The following PYROXD2 variants were observed in gnomAD, a reference collection of about 807,000 sequenced individuals.
PYROXD2 encodes the protein pyridine nucleotide-disulphide oxidoreductase domain 2, also known as pyridine nucleotide-disulfide oxidoreductase domain-containing protein 2.
PYROXD2 carries 69 observed loss-of-function variants against 71.1 expected under a neutral mutation model. That is an observed-to-expected ratio of 0.97 (90% CI 0.80 to 1.19). The LOEUF (loss-of-function observed/expected upper bound fraction) is 1.19. Among genes scored for constraint, PYROXD2 ranks in the 50% most tolerant of loss-of-function variants. The pLI, the probability that PYROXD2 is intolerant of heterozygous loss-of-function variation, is 0.00. For synonymous variants in PYROXD2, 287 were observed against 302.7 expected (o/e 0.95, Z 0.54); for missense variants, 745 against 748.9 (o/e 0.99, Z 0.06).
chr10:98,384,067 G>A (rs1184045244), intron 15 of PYROXD2, among the ~76,000 whole-genome samples, 199 bp from the exon 16 acceptor site: 1 of 152,132 alleles, frequency 6.6e-6, no homozygotes, highest in Non-Finnish European at 1.5e-5. Context: ...CAAAGGTCTG[G>A]GGAGGGGCCA....
At position 98,407,566 on chromosome 10, in the gene PYROXD2, G is replaced by A. The variant is rs79218397; in HGVS notation, c.315+16C>T. ...CCTCCTCCCTCCGTGCAATCGGGCC[G>A]GCGGGGGGGCCCTACCTTCAGCTCC... On this transcript the variant is annotated intron_variant, in intron 4 of 15. Transcript: ENST00000370575. 3.0e-3 allele frequency: 4,893 copies of A among 1,613,132 alleles called. 126 individuals carry two copies. The African/African-American group carries it at 0.055, about 18-fold the overall frequency.
At chr10:98,408,527 T>G (rs1455564590) in intron 2 of PYROXD2, among the ~76,000 whole-genome samples, 5 of 152,090 alleles carry the variant, frequency 3.3e-5, no homozygotes, top group African/African-American at 1.2e-4. Flanking sequence ...TTTACCCACT[T>G]CATAAGGCTG....
At chr10:98,402,644 T>G (rs1031816071) in intron 4 of PYROXD2, among the ~76,000 whole-genome samples, 2 of 152,238 alleles carry the variant, frequency 1.3e-5, no homozygotes, top group African/African-American at 4.8e-5. Flanking sequence ...GTCGAGAGGC[T>G]TCCTTCTCCA....
At chr10:98,391,578 C>T (rs1361118187) in intron 10 of PYROXD2, among the ~76,000 whole-genome samples, 1 of 152,068 alleles carries the variant, frequency 6.6e-6, no homozygotes, top group Non-Finnish European at 1.5e-5. Flanking sequence ...CAAAAACTGC[C>T]CCCAAAGCTC....
intron 13 of PYROXD2, chr10:98,388,069 C>T (rs907798892): frequency 1.1e-5 from 4 of 376,248 alleles, no homozygotes; most frequent in African/African-American, 2.1e-5. Context: ...TCCTTTGGTT[C>T]GTGCAGTCAG....
At chr10:98,393,732 A>G (rs1217594726) in intron 8 of PYROXD2, among the ~76,000 whole-genome samples, 1 of 152,058 alleles carries the variant, frequency 6.6e-6, no homozygotes, top group Non-Finnish European at 1.5e-5. Context: ...CTTAAAGCCC[A>G]GCTCTGCTCC....
intron 12 of PYROXD2, among the ~76,000 whole-genome samples, chr10:98,388,796 C>T (rs1178736807): frequency 6.6e-6 from 1 of 151,966 alleles, no homozygotes; most frequent in Non-Finnish European, 1.5e-5. Context: ...GCAAATGTCT[C>T]GAAGGTCCAC....
At chr10:98,409,400 C>T (rs1843713753) in intron 2 of PYROXD2, among the ~76,000 whole-genome samples, 1 of 152,212 alleles carries the variant, frequency 6.6e-6, no homozygotes, top group African/African-American at 2.4e-5. Context: ...CGTAGGCCTT[C>T]CCTCAAATCA....
chr10:98,390,576 A>G lies in PYROXD2; in HGVS notation c.1292+22T>C, dbSNP rs533876140. 37 of 1,546,052 alleles carry G rather than the reference A, an allele frequency of 2.4e-5. No individual in the cohort carries two copies. In the South Asian group the frequency reaches 4.7e-4, roughly 19 times the overall value. On this transcript the variant is annotated intron_variant, in intron 12 of 15. Transcript: ENST00000370575. ...GGCCCATGTGGAAGAACATCAGGGA[A>G]CATAAAGTCCAGGGCCCCTACCTGT...
intron 13 of PYROXD2, among the ~76,000 whole-genome samples, chr10:98,387,624 G>GTTTTT (rs550769911): frequency 1.8e-5 from 2 of 113,010 alleles, no homozygotes; most frequent in Non-Finnish European, 1.8e-5. Flanking sequence ...TTCTCAAGCT[G>GTTTTT]TTTTTTTTTT....
At chr10:98,400,752 A>G (rs1843369084) in intron 4 of PYROXD2, among the ~76,000 whole-genome samples, 1 of 152,250 alleles carries the variant, frequency 6.6e-6, no homozygotes, top group Non-Finnish European at 1.5e-5. Context: ...ACAGTCTTGC[A>G]TCACTTAACG....
chr10:98,410,603 T>A, intron 2 of PYROXD2: 7 of 326,344 alleles, frequency 2.1e-5, no homozygotes, highest in Middle Eastern at 8.3e-4. Context: ...CCCAATCCCC[T>A]GGTTCCCACC....
chr10:98,408,186 G>A (rs541901498), intron 2 of PYROXD2, among the ~76,000 whole-genome samples, 189 bp from the exon 3 acceptor site: 72 of 152,132 alleles, frequency 4.7e-4, no homozygotes, highest in African/African-American at 1.7e-3. Context: ...TTCCACCCTC[G>A]CCTTTTCTAG....
At chr10:98,393,163 A>C in intron 8 of PYROXD2, 80 bp from the exon 9 acceptor site, 2 of 1,134,058 alleles carry the variant, frequency 1.8e-6, no homozygotes, top group Admixed American at 2.7e-5. Context: ...ATTCCTTTCC[A>C]TCTTGATCTT....
At chr10:98,400,000 C>T in intron 5 of PYROXD2, 102 bp downstream of exon 5, 1 of 1,414,154 alleles carries the variant, frequency 7.1e-7, no homozygotes, top group Non-Finnish European at 9.4e-7. Flanking sequence ...TGGCCTGGCG[C>T]AGTGTCCATG....
At position 98,390,622 on chromosome 10, in the gene PYROXD2, G is replaced by T. The variant is rs1202662984; in HGVS notation, c.1268C>A (p.Ala423Asp). ...TLLLHQAFED[A>D]MDGLPSHRPV... ...CCTGTGGGAAGGCAGGCCATCCATG[G>T]CATCTTCAAAGGCCTGATGAAGGAG... Residue 423 changes from alanine (A) to aspartate (D), a missense_variant, in exon 12 of 16, where the codon GCC becomes GAC. Ala to Asp is a moderately radical substitution (Grantham distance 126). Coordinates refer to ENST00000370575, the MANE Select transcript of PYROXD2 (RefSeq NM_032709.3). 2 of 1,602,664 alleles carry T rather than the reference G, an allele frequency of 1.2e-6. No homozygotes were observed. The highest frequency in any genetic ancestry group is 1.7e-6 in the Non-Finnish European group (2 of 1,174,014).
At chr10:98,400,722 C>T (rs1843367677) in intron 4 of PYROXD2, among the ~76,000 whole-genome samples, 1 of 152,164 alleles carries the variant, frequency 6.6e-6, no homozygotes, top group Non-Finnish European at 1.5e-5. Context: ...CAATGGTTAC[C>T]TCACAATAAC....
chr10:98,395,475 C>T (rs756401666), intron 6 of PYROXD2, 23 bp from the exon 7 acceptor site: 32 of 1,611,788 alleles, frequency 2.0e-5, no homozygotes, highest in Middle Eastern at 1.7e-4. Context: ...ATCCACAAAA[C>T]AGAAGTTGAA....
In PYROXD2 at chr10:98,407,611, G is replaced by T. The variant is rs1296173874; in HGVS notation, c.286C>A (p.Pro96Thr). The T allele has an allele frequency of 1.1e-5, 18 of 1,613,792 alleles. No individual in the cohort carries two copies. The highest frequency in any genetic ancestry group is 1.5e-5 in the Non-Finnish European group (18 of 1,179,984). Residue 96 changes from proline (P) to threonine (T), a missense_variant, in exon 4 of 16, where the codon CCG becomes ACG. Pro to Thr is a conservative substitution (Grantham distance 38, BLOSUM62 -1). Coordinates refer to ENST00000370575, the MANE Select transcript of PYROXD2 (RefSeq NM_032709.3). The stretch of plus-strand genomic sequence containing the variant: ...AGCTCCAGATCAGTGTAAATCTGCG[G>T]CCTCAGCAGGCTGAGCAGGTAGGAC... ...RASYLLSLLR[P>T]QIYTDLELKK...
Sources: gnomAD v4.1 joint callset for allele counts (sites outside exome capture counted in the v4.1 genomes callset) on GRCh38, gnomAD v4.1.1 for gene constraint, MANE v1.5 for transcripts, NCBI Gene and HGNC (gene_info 2026-07-23, HGNC 2026-07-21) for gene names.